The following ACTN1 variants were observed in gnomAD, a reference collection of about 807,000 sequenced individuals.
ACTN1 encodes the protein actinin alpha 1, also known as alpha-actinin-1.
A neutral mutation model predicts 119.6 loss-of-function variants in ACTN1; 30 were observed. The observed-to-expected ratio is 0.25, with a 90% CI of 0.19 to 0.34. The LOEUF (loss-of-function observed/expected upper bound fraction) is 0.34, where lower values mean the gene tolerates loss of function less well. ACTN1 is among the 10% of genes least tolerant of loss of function. The pLI is 1.00. For missense variants in ACTN1, 764 were observed against 1,223.4 expected (o/e 0.62, Z 5.60); for synonymous variants, 429 against 472.6 (o/e 0.91, Z 1.20).
chr14:68,890,306 A>G lies in ACTN1; in HGVS notation c.1087-20T>C. The G allele has an allele frequency of 6.2e-7, 1 of 1,613,510 alleles. No homozygotes were observed. The highest frequency in any genetic ancestry group is 8.5e-7 in the Non-Finnish European group (1 of 1,179,606). On this transcript the variant is annotated intron_variant, in intron 10 of 21. Transcript: ENST00000394419. ...GATGTCCTGTGGGGATGGGAGGTAC[A>G]GGGTCAGGGTCTGGCTTGGGCCTAG...
chr14:68,964,979 T>C (rs1040214860), intron 1 of ACTN1, among the ~76,000 whole-genome samples: 11 of 152,280 alleles, frequency 7.2e-5, no homozygotes, highest in African/African-American at 1.7e-4. Flanking sequence ...TCATCTGAAA[T>C]TGACCACCCA....
At chr14:68,948,596 G>C (rs2036023055) in intron 1 of ACTN1, among the ~76,000 whole-genome samples, 1 of 152,092 alleles carries the variant, frequency 6.6e-6, no homozygotes, top group Admixed American at 6.5e-5. Context: ...AAGAAGTAAG[G>C]TTTTCTGATC....
At chr14:68,940,276 G>A (rs2035720841) in intron 1 of ACTN1, among the ~76,000 whole-genome samples, 2 of 152,176 alleles carry the variant, frequency 1.3e-5, no homozygotes, top group African/African-American at 2.4e-5. Flanking sequence ...TGGCACAGAT[G>A]CTGAGAGCTC....
At chr14:68,887,596 C>A in intron 11 of ACTN1, 1 of 1,399,666 alleles carries the variant, frequency 7.1e-7, no homozygotes, top group South Asian at 1.2e-5. Context: ...AAACAATCAG[C>A]AAATGATTTC....
chr14:68,914,044 A>G (rs2140311160), intron 3 of ACTN1, among the ~76,000 whole-genome samples: 1 of 152,160 alleles, frequency 6.6e-6, no homozygotes, highest in South Asian at 2.1e-4. Flanking sequence ...GCAACATGAC[A>G]AAACCCCATC....
intron 6 of ACTN1, among the ~76,000 whole-genome samples, chr14:68,906,963 A>G (rs2033698443): frequency 1.3e-5 from 2 of 151,026 alleles, no homozygotes; most frequent in African/African-American, 2.4e-5. Context: ...ATCTCTACAA[A>G]AAAATTACAA....
chr14:68,879,819 T>C lies in ACTN1; in HGVS notation c.2280+143A>G, dbSNP rs1190948160. 9.1e-6 allele frequency: 11 copies of C among 1,214,306 alleles called. No homozygotes were observed. The highest frequency in any genetic ancestry group is 4.9e-4 in the Middle Eastern group (2 of 4,046). The allele number at this position is 1,214,306 out of a possible 1,614,324, so 75.2% of individuals were successfully genotyped here. A position where few individuals can be genotyped will look rare whatever the true frequency, so the allele number is the denominator to read the frequency against. ...TCCAAGGCTGGTTTTGCAGGGTGCA[T>C]TGAGTCAGGGCAGGCTGACGGCAGT... On this transcript the variant is annotated intron_variant, in intron 18 of 21. Transcript: ENST00000394419. This position sits in a 1 kb window ranked among gnomAD's most constrained non-coding sequence, Gnocchi z 4.9.
intron 7 of ACTN1, 79 bp from the exon 8 acceptor site, chr14:68,902,641 C>T (rs2033413840): frequency 3.3e-6 from 4 of 1,199,710 alleles, no homozygotes; most frequent in East Asian, 4.8e-5. Flanking sequence ...GAAAGAAGCT[C>T]GCAGCACCAC....
At chr14:68,978,269 C>T (rs1402944167) in intron 1 of ACTN1, 15 of 454,772 alleles carry the variant, frequency 3.3e-5, no homozygotes, top group Non-Finnish European at 6.2e-5. Flanking sequence ...GTCGGGGTTA[C>T]AGCTTCCAAC....
At position 68,910,130 on chromosome 14, in the gene ACTN1, T is replaced by C. The variant is rs872809; in HGVS notation, c.428-88A>G. 0.17 allele frequency: 173,049 copies of C among 1,024,700 alleles called. 22,211 individuals are homozygous for C. Among genetic ancestry groups the C allele is most frequent in the East Asian group, 0.65 (26,109 of 40,472 alleles). The allele number at this position is 1,024,700 out of a possible 1,614,324, so 63.5% of individuals were successfully genotyped here. On this transcript the variant is annotated intron_variant, in intron 4 of 21. Coordinates refer to ENST00000394419, the MANE Select transcript of ACTN1 (RefSeq NM_001130004.2). Reference sequence around the variant, plus strand: ...CTCACAGGAGGCCCCACTGTGACCCTTTGATGCCAACCCTGCAGCTACTGA... The same window carrying C: ...CTCACAGGAGGCCCCACTGTGACCCCTTGATGCCAACCCTGCAGCTACTGA...
At chr14:68,883,807 T>C (rs1247746182) in intron 14 of ACTN1, among the ~76,000 whole-genome samples, 1 of 151,862 alleles carries the variant, frequency 6.6e-6, no homozygotes. Context: ...AAAATCAAGG[T>C]TCAGAATATG....
chr14:68,963,258 G>A (rs17835926), intron 1 of ACTN1, among the ~76,000 whole-genome samples: 30,576 of 152,070 alleles, frequency 0.2, 3,182 homozygotes, highest in Non-Finnish European at 0.22. Context: ...CTCTATACCA[G>A]ATGTGATATC....
chr14:68,947,388 G>A (rs1259162938), intron 1 of ACTN1: 2 of 152,224 alleles, frequency 1.3e-5, no homozygotes, highest in Admixed American at 1.3e-4. Context: ...CAGCTTGGGT[G>A]GTTTACATCC....
At chr14:68,887,356 G>T in intron 11 of ACTN1, 1 of 384,452 alleles carries the variant, frequency 2.6e-6, no homozygotes, top group Non-Finnish European at 4.6e-6. Flanking sequence ...TCAAAGAGTG[G>T]TTTTCTTTAG....
Position 68,874,422 on chromosome 14 carries a change from C to T in ACTN1, c.*437G>A, listed in dbSNP as rs967616930. On this transcript the variant is annotated 3_prime_UTR_variant, in exon 22 of 22. Transcript: ENST00000394419. ...CTTTTGACAAGAGTACCCCCTACCC[C>T]GACTCCCACACCAAAATGGACATGA... 1.3e-5 allele frequency: 2 copies of T among 154,464 alleles called. No homozygotes were observed. Among genetic ancestry groups the T allele is most frequent in the African/African-American group, 2.4e-5 (1 of 41,482 alleles). 9.6% of individuals were successfully genotyped at this position (154,464 alleles called of 1,614,324 possible).
chr14:68,944,094 A>G (rs760436712), intron 1 of ACTN1, among the ~76,000 whole-genome samples: 2 of 152,234 alleles, frequency 1.3e-5, no homozygotes, highest in Non-Finnish European at 2.9e-5. Flanking sequence ...TTCAACGCTT[A>G]AAGCCAGCCA....
intron 1 of ACTN1, among the ~76,000 whole-genome samples, chr14:68,954,602 A>C (rs901096675): frequency 6.6e-5 from 10 of 152,208 alleles, no homozygotes; most frequent in Admixed American, 5.2e-4. Context: ...CTGGGATTAC[A>C]GGCATGAGCC....
chr14:68,963,134 G>A (rs1192095408), intron 1 of ACTN1, among the ~76,000 whole-genome samples: 1 of 151,958 alleles, frequency 6.6e-6, no homozygotes, highest in Non-Finnish European at 1.5e-5. Context: ...CCCCGCACCC[G>A]CTTGGCCTGA....
In ACTN1 at chr14:68,979,115, C is replaced by T. The variant is rs1192901641; in HGVS notation, c.-59G>A. 1.5e-5 allele frequency: 16 copies of T among 1,045,372 alleles called. No homozygotes were observed. 64.8% of individuals were successfully genotyped at this position (1,045,372 alleles called of 1,614,324 possible). A position where few individuals can be genotyped will look rare whatever the true frequency, so the allele number is the denominator to read the frequency against. On this transcript the variant is annotated 5_prime_UTR_variant, in exon 1 of 22. Transcript: ENST00000394419. ...CCTCCACCTTCTCTCTGAGCAACGGCTGCTGCCCTGGCGTGGGGAGGGAGT... is the reference window on the plus strand; with the variant it reads ...CCTCCACCTTCTCTCTGAGCAACGGTTGCTGCCCTGGCGTGGGGAGGGAGT...
Sources: allele counts gnomAD v4.1 joint callset (sites outside exome capture counted in the v4.1 genomes callset), GRCh38; gene constraint gnomAD v4.1.1; non-coding constraint Gnocchi (gnomAD v3.1); transcripts MANE v1.5; gene names NCBI Gene and HGNC (gene_info 2026-07-23, HGNC 2026-07-21).